The following ASIC2 variants were observed in gnomAD, a reference collection of about 807,000 sequenced individuals.
ASIC2 encodes acid-sensing ion channel 2.
A neutral mutation model predicts 57.3 loss-of-function variants in ASIC2; 25 were observed. That is an observed-to-expected ratio of 0.44 (90% CI 0.32 to 0.61). The LOEUF (loss-of-function observed/expected upper bound fraction) is 0.61, where lower values mean the gene tolerates loss of function less well. ASIC2 is among the 20% of genes least tolerant of loss of function. The pLI is 0.06. For missense variants in ASIC2, 641 were observed against 738.1 expected (o/e 0.87, Z 1.52); for synonymous variants, 319 against 307.5 (o/e 1.04, Z -0.39).
intron 1 of ASIC2, among the ~76,000 whole-genome samples, chr17:33,276,838 T>C (rs1474076368): frequency 6.6e-6 from 1 of 152,204 alleles, no homozygotes; most frequent in African/African-American, 2.4e-5. Flanking sequence ...CAAGGTGGGC[T>C]TTGAACTCTG....
At chr17:33,151,183 A>ACACACACACACACACG (rs1904779171) in intron 1 of ASIC2, among the ~76,000 whole-genome samples, 1 of 29,912 alleles carries the variant, frequency 3.3e-5, no homozygotes, top group Non-Finnish European at 6.8e-5. Context: ...ACACACACGC[A>ACACACACACACACACG]CACACACACA....
intron 1 of ASIC2, among the ~76,000 whole-genome samples, chr17:33,749,263 C>G (rs563471791): frequency 8.3e-4 from 126 of 152,094 alleles, no homozygotes; most frequent in African/African-American, 3.0e-3. Flanking sequence ...CCCAGGGAAA[C>G]AAGACCCCTC....
intron 2 of ASIC2, among the ~76,000 whole-genome samples, chr17:33,106,633 C>T (rs980653567): frequency 2.0e-5 from 3 of 152,192 alleles, no homozygotes; most frequent in African/African-American, 4.8e-5. Context: ...CAACCACCAT[C>T]GGCCCAACTT....
chr17:33,844,455 G>T (rs1251406976), intron 1 of ASIC2, among the ~76,000 whole-genome samples: 25 of 152,224 alleles, frequency 1.6e-4, no homozygotes, highest in Non-Finnish European at 1.5e-5. Flanking sequence ...CTAATTATGG[G>T]CTTTATCATA....
chr17:33,802,435 C>G (rs1912156379), intron 1 of ASIC2, among the ~76,000 whole-genome samples: 1 of 152,168 alleles, frequency 6.6e-6, no homozygotes, highest in Non-Finnish European at 1.5e-5. Flanking sequence ...ATTTTAAAAA[C>G]ACAAAGTAAA....
chr17:33,523,536 G>A (rs546174525), intron 1 of ASIC2, among the ~76,000 whole-genome samples: 174 of 152,258 alleles, frequency 1.1e-3, no homozygotes, highest in African/African-American at 4.0e-3. Flanking sequence ...GGGATTGCAG[G>A]CGTGAACCAC....
intron 1 of ASIC2, among the ~76,000 whole-genome samples, chr17:33,579,387 G>A (rs377299737): frequency 2.0e-4 from 31 of 151,710 alleles, no homozygotes; most frequent in East Asian, 1.2e-3. Flanking sequence ...CTAACACTCC[G>A]CCTCATTATT....
chr17:33,659,090 G>A lies in ASIC2; in HGVS notation c.555+496888C>T, dbSNP rs1018265036. 3.3e-5 allele frequency among the ~76,000 whole-genome samples: 5 copies of A among 152,198 alleles called. No individual in the cohort carries two copies. In the East Asian group the frequency reaches 9.6e-4, roughly 29 times the overall value. Reference sequence around the variant, plus strand: ...AATAGATTTCAACGTGAATTTCGGAGGAACGCACACACTCAGACCACAGCA... The same window carrying A: ...AATAGATTTCAACGTGAATTTCGGAAGAACGCACACACTCAGACCACAGCA... On this transcript the variant is annotated intron_variant, in intron 1 of 9. Transcript: ENST00000359872.
At chr17:33,063,086 G>A (rs2092027740) in intron 3 of ASIC2, among the ~76,000 whole-genome samples, 1 of 152,174 alleles carries the variant, frequency 6.6e-6, no homozygotes, top group Non-Finnish European at 1.5e-5. Context: ...CCTGAATACA[G>A]CACACTGATG....
intron 2 of ASIC2, among the ~76,000 whole-genome samples, chr17:33,102,274 C>T (rs1407167233): frequency 1.3e-5 from 2 of 152,200 alleles, no homozygotes; most frequent in Non-Finnish European, 2.9e-5. Flanking sequence ...AAAGCGTCCC[C>T]CTCCAGAAAC....
chr17:34,150,055 T>C (rs1904459281), intron 1 of ASIC2, among the ~76,000 whole-genome samples: 1 of 152,194 alleles, frequency 6.6e-6, no homozygotes, highest in Non-Finnish European at 1.5e-5. Flanking sequence ...CTATTCAGCC[T>C]TTAAAAAGGA....
intron 1 of ASIC2, among the ~76,000 whole-genome samples, chr17:33,897,240 C>T (rs1915119946): frequency 6.6e-6 from 1 of 152,196 alleles, no homozygotes; most frequent in South Asian, 2.1e-4. Context: ...AGACCACTTC[C>T]TTCTTCCAAC....
chr17:33,833,433 C>T (rs8074875), intron 1 of ASIC2, among the ~76,000 whole-genome samples: 31,624 of 151,974 alleles, frequency 0.21, 3,750 homozygotes, highest in Middle Eastern at 0.35. Flanking sequence ...TATCTGCATT[C>T]CTTTGTAATC....
intron 1 of ASIC2, among the ~76,000 whole-genome samples, chr17:33,576,391 G>C (rs986857128): frequency 3.9e-5 from 6 of 152,264 alleles, no homozygotes; most frequent in Non-Finnish European, 8.8e-5. Context: ...ACTAGGTATG[G>C]GGAGCCCCTA....
At chr17:33,639,496 C>T (rs949561910) in intron 1 of ASIC2, among the ~76,000 whole-genome samples, 5 of 152,114 alleles carry the variant, frequency 3.3e-5, no homozygotes, top group African/African-American at 1.2e-4. Context: ...GTCAAAGGTT[C>T]CCACTCTGGG....
intron 1 of ASIC2, among the ~76,000 whole-genome samples, chr17:33,763,442 C>G (rs190614438): frequency 5.0e-4 from 76 of 152,286 alleles, no homozygotes; most frequent in Non-Finnish European, 5.9e-5. Context: ...TCAAGAGCAT[C>G]CTCTGGTTCC....
intron 1 of ASIC2, among the ~76,000 whole-genome samples, chr17:33,630,520 G>T (rs12103895): frequency 0.029 from 4,477 of 152,198 alleles, 143 homozygotes; most frequent in African/African-American, 0.084. Context: ...CTAGTGCACT[G>T]ATGTCCCCTT....
intron 1 of ASIC2, among the ~76,000 whole-genome samples, chr17:33,520,135 G>T (rs1914696505): frequency 1.3e-5 from 2 of 152,168 alleles, no homozygotes; most frequent in South Asian, 2.1e-4. Context: ...CCCTCCCCAG[G>T]GGCCTCTTTG....
intron 1 of ASIC2, among the ~76,000 whole-genome samples, chr17:33,609,502 C>T (rs1054418683): frequency 1.3e-5 from 2 of 152,170 alleles, no homozygotes. Context: ...TCCTCCCTAG[C>T]TCATCCTTCA....
Sources: allele counts gnomAD v4.1 joint callset (sites outside exome capture counted in the v4.1 genomes callset), GRCh38; gene constraint gnomAD v4.1.1; transcripts MANE v1.5; gene names NCBI Gene and HGNC (gene_info 2026-07-23, HGNC 2026-07-21).